Variants in MACROD2 observed in about 807,000 individuals in gnomAD.
The protein encoded by MACROD2 is mono-ADP ribosylhydrolase 2.
A neutral mutation model predicts 70.4 loss-of-function variants in MACROD2; 36 were observed. The ratio of observed to expected loss-of-function variants is 0.51; its 90% CI spans 0.39 to 0.68. MACROD2 has a LOEUF of 0.68. MACROD2 is among the 30% of genes least tolerant of loss of function. The pLI is 0.00. For synonymous variants in MACROD2, 172 were observed against 178.8 expected (o/e 0.96, Z 0.30); for missense variants, 496 against 538.4 (o/e 0.92, Z 0.78).
intron 4 of MACROD2, among the ~76,000 whole-genome samples, chr20:14,600,504 GAATT>G (rs1489191509): frequency 6.6e-6 from 1 of 151,754 alleles, no homozygotes; most frequent in Non-Finnish European, 1.5e-5. Context: ...TTTTTAAAAA[GAATT>G]AATTTTTATT....
chr20:15,702,316 T>C (rs1044478846), intron 8 of MACROD2, among the ~76,000 whole-genome samples: 1 of 152,240 alleles, frequency 6.6e-6, no homozygotes, highest in Admixed American at 6.5e-5. Flanking sequence ...TCTGCAACCA[T>C]GCCAGCACTT....
At chr20:15,258,908 G>C (rs554643512) in intron 6 of MACROD2, among the ~76,000 whole-genome samples, 87 of 152,112 alleles carry the variant, frequency 5.7e-4, no homozygotes, top group Non-Finnish European at 1.2e-3. Context: ...AGATTGCTAA[G>C]TTAGAGATAA....
intron 8 of MACROD2, among the ~76,000 whole-genome samples, chr20:15,613,189 G>A (rs2048993367): frequency 6.6e-6 from 1 of 152,164 alleles, no homozygotes. Flanking sequence ...AACTCTTCAT[G>A]TTGATAGGCA....
chr20:15,503,466 G>A (rs1027711967), intron 8 of MACROD2, among the ~76,000 whole-genome samples: 5 of 152,146 alleles, frequency 3.3e-5, no homozygotes, highest in Non-Finnish European at 7.4e-5. Context: ...CAAGAAAAAG[G>A]AATATAGTCA....
rs557755068 is a variant in MACROD2, at chr20:15,042,268, G to C, written c.419-187672G>C. Reference sequence around the variant, plus strand: ...AGGAAAAAAAAGGTATAAATCCTAAGAGTTTCTAAAGTAGCCAAACAAGGC... The same window carrying C: ...AGGAAAAAAAAGGTATAAATCCTAACAGTTTCTAAAGTAGCCAAACAAGGC... On this transcript the variant is annotated intron_variant, in intron 5 of 17. Coordinates refer to ENST00000684519, the MANE Select transcript of MACROD2 (RefSeq NM_001351661.2). Among the ~76,000 whole-genome samples the C allele has an allele frequency of 1.5e-4, 23 of 152,308 alleles. No individual in the cohort carries two copies. In the South Asian group the frequency reaches 2.5e-3, roughly 16 times the overall value.
chr20:15,168,881 T>G (rs2076404377), intron 5 of MACROD2, among the ~76,000 whole-genome samples: 1 of 152,186 alleles, frequency 6.6e-6, no homozygotes, highest in Admixed American at 6.6e-5. Context: ...GAAAACATTA[T>G]GTTTTGTGAA....
intron 3 of MACROD2, among the ~76,000 whole-genome samples, chr20:14,176,314 A>G (rs948265093): frequency 1.9e-4 from 29 of 152,216 alleles, no homozygotes; most frequent in African/African-American, 7.0e-4. Flanking sequence ...AGATGGCATA[A>G]GTGTTTGAAC....
Position 14,299,824 on chromosome 20 carries a change from T to C in MACROD2, c.272-193655T>C, listed in dbSNP as rs182993064. Among the ~76,000 whole-genome samples, 490 of 152,314 alleles carry C rather than the reference T, an allele frequency of 3.2e-3. 9 individuals carry two copies. The highest frequency in any genetic ancestry group is 0.03 in the Admixed American group (458 of 15,286). On this transcript the variant is annotated intron_variant, in intron 3 of 17. Transcript: ENST00000684519. ...AGAGGCATCTGACCCAAGATTTAAT[T>C]TCTTACATAGTGAAGGACTTCCTTT...
intron 5 of MACROD2, among the ~76,000 whole-genome samples, chr20:15,158,311 A>G (rs984144254): frequency 7.3e-4 from 111 of 152,312 alleles, no homozygotes; most frequent in African/African-American, 2.6e-3. Flanking sequence ...AATAATACCA[A>G]TAGCAGTAGT....
intron 3 of MACROD2, among the ~76,000 whole-genome samples, chr20:14,151,538 C>G (rs1601284556): frequency 6.6e-6 from 1 of 152,122 alleles, no homozygotes; most frequent in Non-Finnish European, 1.5e-5. Context: ...AAAACTGTGC[C>G]TTCCCCCTCT....
At chr20:14,864,240 T>C (rs373108457) in intron 5 of MACROD2, among the ~76,000 whole-genome samples, 1 of 152,122 alleles carries the variant, frequency 6.6e-6, no homozygotes, top group African/African-American at 2.4e-5. Context: ...AGTAAAGACA[T>C]TTTTGTCCAG....
intron 4 of MACROD2, among the ~76,000 whole-genome samples, chr20:14,676,851 T>A (rs1851205020): frequency 6.6e-6 from 1 of 151,384 alleles, no homozygotes; most frequent in South Asian, 2.1e-4. Flanking sequence ...GAGAGAAGAA[T>A]CAAATAGATA....
chr20:14,796,860 A>G (rs910792881), intron 5 of MACROD2, among the ~76,000 whole-genome samples: 1 of 151,996 alleles, frequency 6.6e-6, no homozygotes, highest in Admixed American at 6.6e-5. Flanking sequence ...CTTTCTCCCA[A>G]CAAACCCCAG....
At chr20:15,623,828 C>A (rs2049164299) in intron 8 of MACROD2, among the ~76,000 whole-genome samples, 1 of 152,010 alleles carries the variant, frequency 6.6e-6, no homozygotes, top group Admixed American at 6.6e-5. Flanking sequence ...GATATATACA[C>A]ATAATGCATA....
chr20:15,146,094 C>T (rs1402828414), intron 5 of MACROD2, among the ~76,000 whole-genome samples: 1 of 152,104 alleles, frequency 6.6e-6, no homozygotes. Context: ...TCTCATACAG[C>T]TTTGATACAT....
chr20:14,140,225 A>G (rs2054852084), intron 3 of MACROD2, among the ~76,000 whole-genome samples: 1 of 152,210 alleles, frequency 6.6e-6, no homozygotes, highest in African/African-American at 2.4e-5. Context: ...GATTTTGACC[A>G]TTTCTAGGTA....
chr20:15,556,842 A>G (rs1408996576), intron 8 of MACROD2, among the ~76,000 whole-genome samples: 1 of 152,220 alleles, frequency 6.6e-6, no homozygotes. Flanking sequence ...AATTTGCTAC[A>G]GTGAACTTGA....
intron 3 of MACROD2, among the ~76,000 whole-genome samples, chr20:14,489,206 A>G (rs2084767096): frequency 6.6e-6 from 1 of 152,208 alleles, no homozygotes; most frequent in Non-Finnish European, 1.5e-5. Flanking sequence ...AGGAAATTAC[A>G]CCATTGCCCA....
At chr20:15,754,557 C>A (rs2051319058) in intron 8 of MACROD2, among the ~76,000 whole-genome samples, 1 of 151,310 alleles carries the variant, frequency 6.6e-6, no homozygotes, top group Admixed American at 6.6e-5. Flanking sequence ...TTGCAGTGAT[C>A]TGAGATTTCT....
Sources: gnomAD v4.1 joint callset for allele counts (sites outside exome capture counted in the v4.1 genomes callset) on GRCh38, gnomAD v4.1.1 for gene constraint, MANE v1.5 for transcripts, NCBI Gene and HGNC (gene_info 2026-07-23, HGNC 2026-07-21) for gene names.